Variants in ITPR2 observed in about 807,000 individuals in gnomAD.
ITPR2 encodes inositol 1,4,5-trisphosphate receptor type 2.
In ITPR2, 207 loss-of-function variants were observed where a neutral mutation model predicts 317.1. The observed-to-expected ratio is 0.65, with a 90% CI of 0.58 to 0.73. ITPR2 has a LOEUF of 0.73. Ranked by LOEUF, ITPR2 falls within the 30% of genes least tolerant of loss-of-function variation. The pLI is 0.00. For synonymous variants in ITPR2, 1,156 were observed against 1,149.1 expected, an observed-to-expected ratio of 1.01 and a Z score of -0.12; for missense variants, 2,613 against 3,284.0, an observed-to-expected ratio of 0.80 and a Z score of 4.99.
intron 1 of ITPR2, among the ~76,000 whole-genome samples, chr12:26,825,021 T>G (rs1475228581): frequency 1.3e-5 from 2 of 152,080 alleles, no homozygotes; most frequent in Non-Finnish European, 2.9e-5. Context: ...CACCTGAGGT[T>G]AGGAGTTTGA....
At chr12:26,631,656 T>C (rs889275980) in intron 22 of ITPR2, among the ~76,000 whole-genome samples, 17 of 152,330 alleles carry the variant, frequency 1.1e-4, no homozygotes, top group Non-Finnish European at 1.3e-4. Context: ...TGATCATTAG[T>C]ATATTTAATG....
At chr12:26,361,294 T>C (rs1197794814) in intron 55 of ITPR2, among the ~76,000 whole-genome samples, 3 of 84,040 alleles carry the variant, frequency 3.6e-5, no homozygotes, top group African/African-American at 1.4e-4. Flanking sequence ...ATTGAAATCA[T>C]AGCAAGATCT....
chr12:26,344,865 C>T (rs1397819100), intron 55 of ITPR2, among the ~76,000 whole-genome samples: 2 of 152,206 alleles, frequency 1.3e-5, no homozygotes, highest in Non-Finnish European at 2.9e-5. Context: ...GCAAAAGCTA[C>T]ACAGTCCTGT....
At chr12:26,612,742 T>C (rs1006179581) in intron 26 of ITPR2, among the ~76,000 whole-genome samples, 1 of 152,248 alleles carries the variant, frequency 6.6e-6, no homozygotes, top group Non-Finnish European at 1.5e-5. Context: ...CTTGCTCTTC[T>C]GAAGCATTCC....
At chr12:26,560,260 G>A (rs953805197) in intron 35 of ITPR2, among the ~76,000 whole-genome samples, 1 of 151,816 alleles carries the variant, frequency 6.6e-6, no homozygotes, top group African/African-American at 2.4e-5. Context: ...TCTTTATGTG[G>A]CCATTCTGCT....
intron 1 of ITPR2, among the ~76,000 whole-genome samples, chr12:26,822,169 A>G (rs1950947172): frequency 2.0e-5 from 3 of 152,252 alleles, no homozygotes; most frequent in Admixed American, 2.0e-4. Flanking sequence ...TGGGATAATC[A>G]ATATATAATA....
intron 55 of ITPR2, among the ~76,000 whole-genome samples, chr12:26,369,465 A>G (rs1398333045): frequency 6.6e-6 from 1 of 152,106 alleles, no homozygotes; most frequent in Non-Finnish European, 1.5e-5. Flanking sequence ...ATGTGAAGAG[A>G]TATTTTGATG....
chr12:26,730,491 A>AT (rs1949007109), intron 2 of ITPR2, among the ~76,000 whole-genome samples: 2 of 152,256 alleles, frequency 1.3e-5, no homozygotes, highest in Admixed American at 1.3e-4. Context: ...GAATAAAAAA[A>AT]GGAAAGGTTT....
chr12:26,476,005 G>T (rs1407446533), intron 44 of ITPR2, among the ~76,000 whole-genome samples: 1 of 152,188 alleles, frequency 6.6e-6, no homozygotes, highest in Non-Finnish European at 1.5e-5. Context: ...AAGGGCTATT[G>T]CACAGTGCCA....
chr12:26,432,775 T>G (rs542478200), intron 48 of ITPR2, among the ~76,000 whole-genome samples: 1 of 152,316 alleles, frequency 6.6e-6, no homozygotes, highest in South Asian at 2.1e-4. Context: ...CAATAATCTT[T>G]TTCTCTAAAT....
chr12:26,385,963 G>A (rs1266272530), intron 55 of ITPR2, among the ~76,000 whole-genome samples: 1 of 152,044 alleles, frequency 6.6e-6, no homozygotes, highest in Non-Finnish European at 1.5e-5. Flanking sequence ...CCTTGGCAGA[G>A]GGGAAATATA....
At chr12:26,478,357 C>A (rs1258572178) in intron 43 of ITPR2, among the ~76,000 whole-genome samples, 1 of 151,914 alleles carries the variant, frequency 6.6e-6, no homozygotes, top group Non-Finnish European at 1.5e-5. Flanking sequence ...CTTCGACAAT[C>A]TAGTATCCCA....
chr12:26,409,841 T>C (rs1057161085), intron 52 of ITPR2, among the ~76,000 whole-genome samples: 2 of 152,144 alleles, frequency 1.3e-5, no homozygotes, highest in African/African-American at 4.8e-5. Context: ...AAAGACCTCC[T>C]GTCTATTCAC....
chr12:26,638,099 AAAG>A (rs1414335007), intron 21 of ITPR2, among the ~76,000 whole-genome samples: 5 of 152,202 alleles, frequency 3.3e-5, no homozygotes, highest in African/African-American at 1.2e-4. Flanking sequence ...CCCACACACT[AAAG>A]AAGTGTTATT....
intron 45 of ITPR2, among the ~76,000 whole-genome samples, chr12:26,452,440 G>T (rs1941764673): frequency 6.6e-6 from 1 of 151,954 alleles, no homozygotes; most frequent in African/African-American, 2.4e-5. Flanking sequence ...TTAAACAATT[G>T]GTTATTTGTC....
intron 37 of ITPR2, among the ~76,000 whole-genome samples, chr12:26,537,185 G>T (rs1242633743): frequency 3.9e-5 from 6 of 152,132 alleles, no homozygotes; most frequent in African/African-American, 1.4e-4. Context: ...GGAAGGGTTT[G>T]GTCTGTACAT....
rs769537138 is a variant in ITPR2, at chr12:26,378,246, C to T, written c.7857+9188G>A. 1.1e-4 allele frequency among the ~76,000 whole-genome samples: 16 copies of T among 151,798 alleles called. 1 individual carries two copies. The highest frequency in any genetic ancestry group is 6.2e-4 in the South Asian group (3 of 4,802). On this transcript the variant is annotated intron_variant, in intron 55 of 56. Transcript: ENST00000381340. ...TAAAGGGTGGTGGGCTAGGAAGTAA[C>T]GGGAATGGGGATGTCAGGGAAGGCA...
intron 35 of ITPR2, among the ~76,000 whole-genome samples, chr12:26,561,547 T>C (rs1944818644): frequency 6.6e-6 from 1 of 152,122 alleles, no homozygotes; most frequent in Admixed American, 6.5e-5. Flanking sequence ...TACTATACTA[T>C]CAAAACAGAG....
chr12:26,772,413 T>TTTATATATATTATATATAATACATGTA (rs750652478), intron 2 of ITPR2, among the ~76,000 whole-genome samples: 45 of 97,302 alleles, frequency 4.6e-4, no homozygotes, highest in Non-Finnish European at 9.7e-4. Context: ...AATATACACA[T>TTTATATATATTATATATAATACATGTA]TTATATATAT....
Sources: allele counts gnomAD v4.1 joint callset (sites outside exome capture counted in the v4.1 genomes callset), GRCh38; gene constraint gnomAD v4.1.1; transcripts MANE v1.5; gene names NCBI Gene and HGNC (gene_info 2026-07-23, HGNC 2026-07-21).